Variants in NEXMIF observed in about 807,000 individuals in gnomAD.
NEXMIF encodes the protein neurite extension and migration factor.
Under a neutral mutation model 62.1 loss-of-function variants are expected in NEXMIF, and 8 were observed. The observed-to-expected ratio is 0.13, with a 90% CI of 0.08 to 0.23. NEXMIF has a LOEUF of 0.23. Ranked by LOEUF, NEXMIF falls within the 10% of genes least tolerant of loss-of-function variation. NEXMIF has a pLI of 1.00. For missense variants in NEXMIF, 976 were observed against 1,113.3 expected, an observed-to-expected ratio of 0.88 and a Z score of 1.75; for synonymous variants, 404 against 416.6, an observed-to-expected ratio of 0.97 and a Z score of 0.37.
In NEXMIF at chrX:74,806,063, C is replaced by A. The variant is rs2080343965; in HGVS notation, c.-47-60366G>T. On this transcript the variant is annotated intron_variant, in intron 1 of 3. Transcript: ENST00000055682. The stretch of plus-strand genomic sequence containing the variant: ...TCTATATATTTTTTGGATACCAGTC[C>A]TTTATCAGATACGTGATTTGCAAAT... Among the ~76,000 whole-genome samples the A allele has an allele frequency of 2.7e-5, 3 of 111,206 alleles. No individual in the cohort carries two copies. The South Asian group carries it at 1.1e-3, about 42-fold the overall frequency.
intron 1 of NEXMIF, among the ~76,000 whole-genome samples, chrX:74,812,295 C>T (rs949758584): frequency 8.9e-6 from 1 of 111,873 alleles, no homozygotes; most frequent in Admixed American, 9.5e-5. Flanking sequence ...TGAAACTATA[C>T]ACACATATAC....
intron 1 of NEXMIF, among the ~76,000 whole-genome samples, chrX:74,773,802 G>A (rs1053200448): frequency 2.9e-5 from 3 of 104,757 alleles, no homozygotes; most frequent in Admixed American, 1.0e-4. Flanking sequence ...CCAGCTACTC[G>A]GGAGGCTGAG....
At position 74,924,899 on chromosome X, in the gene NEXMIF, C is replaced by T. The variant is rs1239031059; in HGVS notation, c.-64G>A. The T allele has an allele frequency of 1.7e-5, 2 of 114,531 alleles. No individual in the cohort carries two copies. Among genetic ancestry groups the T allele is most frequent in the Admixed American group, 1.8e-4 (2 of 10,897 alleles). 9.4% of individuals were successfully genotyped at this position (114,531 alleles called of 1,213,427 possible). A position where few individuals can be genotyped will look rare whatever the true frequency, so the allele number is the denominator to read the frequency against. ...CCTACTCACCTCACAGGCCGACTCC[C>T]GAGGCGCACGTCGCTGGCGGGCTCA... On this transcript the variant is annotated 5_prime_UTR_variant, in exon 1 of 4. Coordinates refer to ENST00000055682, the MANE Select transcript of NEXMIF (RefSeq NM_001008537.3).
intron 1 of NEXMIF, among the ~76,000 whole-genome samples, chrX:74,921,623 G>A (rs2080827451): frequency 9.0e-6 from 1 of 111,323 alleles, no homozygotes; most frequent in Non-Finnish European, 1.9e-5. Flanking sequence ...CGTAACAAGT[G>A]CTTTGTGTCT....
At chrX:74,805,866 T>C (rs967183774) in intron 1 of NEXMIF, among the ~76,000 whole-genome samples, 4 of 112,168 alleles carry the variant, frequency 3.6e-5, no homozygotes, top group African/African-American at 1.3e-4. Context: ...TGTTGTTTTC[T>C]TTATCAGTAC....
chrX:74,800,090 T>A (rs1270494415), intron 1 of NEXMIF, among the ~76,000 whole-genome samples: 1 of 111,542 alleles, frequency 9.0e-6, no homozygotes, highest in Non-Finnish European at 1.9e-5. Flanking sequence ...AGAATACACA[T>A]ACTCCAAGAC....
At chrX:74,809,828 A>C in intron 1 of NEXMIF, among the ~76,000 whole-genome samples, 1 of 111,871 alleles carries the variant, frequency 8.9e-6, no homozygotes, top group Non-Finnish European at 1.9e-5. Context: ...GATGTTTAGC[A>C]CACAGTAGAT....
At chrX:74,913,130 G>T (rs1201122492) in intron 1 of NEXMIF, among the ~76,000 whole-genome samples, 1 of 112,192 alleles carries the variant, frequency 8.9e-6, no homozygotes, top group Non-Finnish European at 1.9e-5. Flanking sequence ...GCAAAACCAG[G>T]ATGAAAGAGA....
chrX:74,870,666 A>G (rs1210237841), intron 1 of NEXMIF, among the ~76,000 whole-genome samples: 2 of 112,271 alleles, frequency 1.8e-5, no homozygotes, highest in Non-Finnish European at 3.8e-5. Context: ...ATAGATCTGA[A>G]CAGACATTTC....
intron 1 of NEXMIF, among the ~76,000 whole-genome samples, chrX:74,755,089 T>C (rs2080155608): frequency 8.9e-6 from 1 of 112,138 alleles, no homozygotes; most frequent in African/African-American, 3.2e-5. Context: ...TTCTATATTC[T>C]AAGCAGTGAA....
rs2080087571 is a variant in NEXMIF, at chrX:74,737,245, GA to G, written c.*2159del. 1 of 111,404 alleles carries G rather than the reference GA, an allele frequency of 9.0e-6. No homozygotes were observed. The highest frequency in any genetic ancestry group is 3.7e-4 in the South Asian group (1 of 2,667). The allele number at this position is 111,404 out of a possible 1,213,427, so 9.2% of individuals were successfully genotyped here. A position where few individuals can be genotyped will look rare whatever the true frequency, so the allele number is the denominator to read the frequency against. On this transcript the variant is annotated 3_prime_UTR_variant, in exon 4 of 4. Transcript: ENST00000055682. Reference sequence around the variant, plus strand: ...CAAGCCAAAATTCAGCTGCAAAACAGAAAAATCAAAAACAAAAACAAAAACA... The same window carrying G: ...CAAGCCAAAATTCAGCTGCAAAACAGAAAATCAAAAACAAAAACAAAAACA...
intron 1 of NEXMIF, among the ~76,000 whole-genome samples, chrX:74,746,845 T>G (rs1287762174): frequency 8.9e-6 from 1 of 112,857 alleles, no homozygotes; most frequent in Non-Finnish European, 1.9e-5. Flanking sequence ...CACATTTTCT[T>G]CTCATTTTAT....
chrX:74,795,954 T>C lies in NEXMIF; in HGVS notation c.-47-50257A>G, dbSNP rs186014704. 2.5e-4 allele frequency among the ~76,000 whole-genome samples: 26 copies of C among 103,464 alleles called. 1 individual carries two copies. The East Asian group carries it at 7.7e-3, about 30-fold the overall frequency. The allele number at this position is 103,464 out of a possible 115,157, so 89.8% of individuals were successfully genotyped here. A position where few individuals can be genotyped will look rare whatever the true frequency, so the allele number is the denominator to read the frequency against. On this transcript the variant is annotated intron_variant, in intron 1 of 3. Transcript: ENST00000055682. Reference sequence around the variant, plus strand: ...GAGACTGGTTTGAATGTACTGGGTTTGAACAAGTAAGTAAATGGATGGTGG... The same window carrying C: ...GAGACTGGTTTGAATGTACTGGGTTCGAACAAGTAAGTAAATGGATGGTGG...
chrX:74,831,285 T>G (rs2080435922), intron 1 of NEXMIF, among the ~76,000 whole-genome samples: 1 of 110,239 alleles, frequency 9.1e-6, no homozygotes, highest in Non-Finnish European at 1.9e-5. Flanking sequence ...GTTGGTGTGC[T>G]GTACCCATTA....
At position 74,736,459 on chromosome X, in the gene NEXMIF, G is replaced by T. The variant is rs1293508393; in HGVS notation, c.*2946C>A. 9.0e-6 allele frequency: 1 copy of T among 111,386 alleles called. No individual in the cohort carries two copies. Among genetic ancestry groups the T allele is most frequent in the Non-Finnish European group, 1.9e-5 (1 of 53,023 alleles). 9.2% of individuals were successfully genotyped at this position (111,386 alleles called of 1,213,427 possible). A position where few individuals can be genotyped will look rare whatever the true frequency, so the allele number is the denominator to read the frequency against. On this transcript the variant is annotated 3_prime_UTR_variant, in exon 4 of 4. Coordinates refer to ENST00000055682, the MANE Select transcript of NEXMIF (RefSeq NM_001008537.3). ...ATTAATAGGAAACAGCTTCTCAGAG[G>T]GGGAAGGTTAGAAGGGAGCGGTAAT...
At chrX:74,770,344 T>C (rs900167529) in intron 1 of NEXMIF, among the ~76,000 whole-genome samples, 1 of 112,226 alleles carries the variant, frequency 8.9e-6, no homozygotes. Context: ...CATATTTTCC[T>C]GGAAAAGTTT....
intron 1 of NEXMIF, among the ~76,000 whole-genome samples, chrX:74,916,853 C>A (rs1181920666): frequency 9.0e-6 from 1 of 111,483 alleles, no homozygotes; most frequent in Non-Finnish European, 1.9e-5. Flanking sequence ...CAGCCAGGAG[C>A]AAAGCTAATT....
intron 1 of NEXMIF, among the ~76,000 whole-genome samples, chrX:74,781,608 AAATG>A (rs2147459363): frequency 9.1e-6 from 1 of 109,964 alleles, no homozygotes; most frequent in African/African-American, 3.3e-5. Flanking sequence ...TGTGTATGTG[AAATG>A]TATGTGAAAG....
chrX:74,772,930 G>GA (rs1408279326), intron 1 of NEXMIF, among the ~76,000 whole-genome samples: 1 of 111,453 alleles, frequency 9.0e-6, no homozygotes, highest in African/African-American at 3.3e-5. Context: ...TTTTTAGCAA[G>GA]AAAAAAAGAA....
Sources: gnomAD v4.1 joint callset for allele counts (sites outside exome capture counted in the v4.1 genomes callset) on GRCh38, gnomAD v4.1.1 for gene constraint, MANE v1.5 for transcripts, NCBI Gene and HGNC (gene_info 2026-07-23, HGNC 2026-07-21) for gene names.